SMURF2: variants seen among roughly 807,000 people sequenced by gnomAD.
SMURF2 encodes SMAD specific E3 ubiquitin protein ligase 2, also known as E3 ubiquitin-protein ligase SMURF2.
Under a neutral mutation model 109.6 loss-of-function variants are expected in SMURF2, and 48 were observed. The ratio of observed to expected loss-of-function variants is 0.44; its 90% CI spans 0.35 to 0.56. The LOEUF (loss-of-function observed/expected upper bound fraction) is 0.56, where lower values mean the gene tolerates loss of function less well. Ranked by LOEUF, SMURF2 falls within the 20% of genes least tolerant of loss-of-function variation. SMURF2 has a pLI of 0.01. For missense variants in SMURF2, 575 were observed against 909.0 expected (o/e 0.63, Z 4.72); for synonymous variants, 288 against 317.1 (o/e 0.91, Z 0.97).
At chr17:64,623,942 T>C (rs1379905451) in intron 1 of SMURF2, among the ~76,000 whole-genome samples, 3 of 152,250 alleles carry the variant, frequency 2.0e-5, no homozygotes, top group South Asian at 2.1e-4. Context: ...ACATATTTGA[T>C]AATGTGAAGA....
chr17:64,559,412 G>A (rs758267168), intron 12 of SMURF2, among the ~76,000 whole-genome samples: 4 of 151,632 alleles, frequency 2.6e-5, no homozygotes, highest in Admixed American at 6.6e-5. Context: ...TGGCCAACAT[G>A]GTGAAACCCC....
At chr17:64,590,441 C>T (rs1275559510) in intron 5 of SMURF2, among the ~76,000 whole-genome samples, 4 of 152,090 alleles carry the variant, frequency 2.6e-5, no homozygotes, top group East Asian at 3.8e-4. Flanking sequence ...CTGTGCCTGG[C>T]CACATTTTTC....
intron 2 of SMURF2, among the ~76,000 whole-genome samples, chr17:64,601,082 C>T (rs1303633600): frequency 2.0e-5 from 3 of 152,104 alleles, no homozygotes; most frequent in East Asian, 1.9e-4. Context: ...GACCACCCCC[C>T]ATCCCCCACA....
Position 64,605,232 on chromosome 17 carries a change from A to G in SMURF2, c.91+1370T>C, listed in dbSNP as rs1248502131. On this transcript the variant is annotated intron_variant, in intron 2 of 18. Transcript: ENST00000262435. ...CTTCTGGCGAGAAGGCACATGGTAC[A>G]TAAATTTAAACTGCTTATAATTTGC... Among the ~76,000 whole-genome samples, 4 of 152,290 alleles carry G rather than the reference A, an allele frequency of 2.6e-5. 1 individual carries two copies. The highest frequency in any genetic ancestry group is 1.5e-5 in the Non-Finnish European group (1 of 68,028).
chr17:64,650,587 T>C lies in SMURF2; in HGVS notation c.52+11242A>G, dbSNP rs543373739. Among the ~76,000 whole-genome samples, 3 of 152,198 alleles carry C rather than the reference T, an allele frequency of 2.0e-5. No homozygotes were observed. The East Asian group carries it at 5.8e-4, about 29-fold the overall frequency. On this transcript the variant is annotated intron_variant, in intron 1 of 18. Coordinates refer to ENST00000262435, the MANE Select transcript of SMURF2 (RefSeq NM_022739.4). ...GGCTCATGCCTGTAATCCCAGCACT[T>C]TGGGAGGCCGAGGTGGGCGGATCAC... is the stretch of plus-strand genomic sequence containing the variant.
intron 1 of SMURF2, among the ~76,000 whole-genome samples, chr17:64,656,014 T>A (rs1457688261): frequency 6.6e-6 from 1 of 152,212 alleles, no homozygotes; most frequent in Non-Finnish European, 1.5e-5. Flanking sequence ...GAAAAGATAC[T>A]ACATCACTGT....
At chr17:64,617,970 T>A (rs1343236659) in intron 1 of SMURF2, among the ~76,000 whole-genome samples, 3 of 152,190 alleles carry the variant, frequency 2.0e-5, no homozygotes, top group Admixed American at 2.0e-4. Context: ...CAATAATAGA[T>A]CTACTTTGAC....
In SMURF2 at chr17:64,620,430, G is replaced by C. The variant is rs16947932; in HGVS notation, c.53-13790C>G. 9.1e-3 allele frequency among the ~76,000 whole-genome samples: 1,391 copies of C among 152,274 alleles called. 27 individuals are homozygous for C. Among genetic ancestry groups the C allele is most frequent in the African/African-American group, 0.032 (1,315 of 41,560 alleles). On this transcript the variant is annotated intron_variant, in intron 1 of 18. Coordinates refer to ENST00000262435, the MANE Select transcript of SMURF2 (RefSeq NM_022739.4). ...TTTCTATAAATCCTTCACTCAAGCA[G>C]TGTCAATGATTCCTGTTTTCTCTCT...
intron 1 of SMURF2, 96 bp from the exon 2 acceptor site, chr17:64,606,736 A>AGGGTTTAACTATTC: frequency 1.2e-6 from 1 of 849,228 alleles, no homozygotes; most frequent in Non-Finnish European, 1.8e-6. Flanking sequence ...GTGAATAGTT[A>AGGGTTTAACTATTC]AACCCTAACT....
intron 16 of SMURF2, among the ~76,000 whole-genome samples, chr17:64,550,945 A>G (rs1969036183): frequency 6.6e-6 from 1 of 152,258 alleles, no homozygotes; most frequent in African/African-American, 2.4e-5. Flanking sequence ...TAACTAAATC[A>G]GTAACCACTA....
chr17:64,577,782 G>C (rs1598279379), intron 9 of SMURF2, among the ~76,000 whole-genome samples: 2 of 151,838 alleles, frequency 1.3e-5, no homozygotes, highest in South Asian at 2.1e-4. Flanking sequence ...ATCTTTGGTA[G>C]AGACCAGGTC....
Position 64,580,875 on chromosome 17 carries a change from G to A in SMURF2, c.686C>T (p.Ala229Val). ...TCGQSSDPRL[A>V]ERRVRSQRHR... Reference sequence around the variant, plus strand: ...TCGTTGTGACCTGACTCTCCTCTCTGCCAGCCTGGGATCTGAAGACTGTCC... The same window carrying A: ...TCGTTGTGACCTGACTCTCCTCTCTACCAGCCTGGGATCTGAAGACTGTCC... The change falls in exon 8 of 19, where the codon GCA becomes GTA. Residue 229 changes from alanine to valine, a missense_variant. Coordinates refer to ENST00000262435, the MANE Select transcript of SMURF2 (RefSeq NM_022739.4). The A allele has an allele frequency of 6.2e-7, 1 of 1,614,090 alleles. No homozygotes were observed. Among genetic ancestry groups the A allele is most frequent in the South Asian group, 1.1e-5 (1 of 91,074 alleles).
chr17:64,569,118 G>A (rs538540585), intron 10 of SMURF2, among the ~76,000 whole-genome samples: 6 of 151,832 alleles, frequency 4.0e-5, no homozygotes, highest in South Asian at 2.1e-4. Flanking sequence ...TGGGCAACGC[G>A]GTGAAACCCC....
intron 1 of SMURF2, 44 bp from the exon 2 acceptor site, chr17:64,606,684 G>A: frequency 7.4e-7 from 1 of 1,344,224 alleles, no homozygotes; most frequent in South Asian, 1.3e-5. Context: ...AAATTAAAAT[G>A]TTAAGAGTGT....
At position 64,544,258 on chromosome 17, in the gene SMURF2, C is replaced by T. The variant is rs1367392149; in HGVS notation, c.*1590G>A. 1 of 152,148 alleles carries T rather than the reference C, an allele frequency of 6.6e-6. No homozygotes were observed. The highest frequency in any genetic ancestry group is 1.5e-5 in the Non-Finnish European group (1 of 68,056). 9.4% of individuals were successfully genotyped at this position (152,148 alleles called of 1,614,324 possible). ...TACCAACTAGGCCTTCCCCCTCGCT[C>T]CCTCTCATTGCCCCTCTTCTCTTAA... On this transcript the variant is annotated 3_prime_UTR_variant, in exon 19 of 19. Coordinates refer to ENST00000262435, the MANE Select transcript of SMURF2 (RefSeq NM_022739.4).
chr17:64,650,548 T>A lies in SMURF2; in HGVS notation c.52+11281A>T, dbSNP rs577699688. 7.2e-5 allele frequency among the ~76,000 whole-genome samples: 11 copies of A among 152,204 alleles called. No homozygotes were observed. The South Asian group carries it at 2.3e-3, about 32-fold the overall frequency. ...AACATTCTGACTACCTCTCATAAAA[T>A]GACCAGGCACAGTGGCTCATGCCTG... On this transcript the variant is annotated intron_variant, in intron 1 of 18. Transcript: ENST00000262435.
intron 1 of SMURF2, among the ~76,000 whole-genome samples, chr17:64,646,067 A>T (rs370473565): frequency 6.6e-6 from 1 of 151,362 alleles, no homozygotes; most frequent in Non-Finnish European, 1.5e-5. Context: ...ACTATTTCTT[A>T]TAATTTTTTT....
At chr17:64,563,351 A>T (rs78625173) in intron 10 of SMURF2, among the ~76,000 whole-genome samples, 13,248 of 152,274 alleles carry the variant, frequency 0.087, 880 homozygotes, top group African/African-American at 0.17. Context: ...GGAGTCTGAA[A>T]GGCAGCTTGG....
intron 4 of SMURF2, chr17:64,593,043 A>C (rs1225333317): frequency 6.6e-6 from 1 of 152,348 alleles, no homozygotes; most frequent in African/African-American, 2.4e-5. Context: ...CCACAAATCC[A>C]CCAAAACCAG....
Sources: allele counts gnomAD v4.1 joint callset (sites outside exome capture counted in the v4.1 genomes callset), GRCh38; gene constraint gnomAD v4.1.1; transcripts MANE v1.5; gene names NCBI Gene and HGNC (gene_info 2026-07-23, HGNC 2026-07-21).